The following DNAH9 variants were observed in gnomAD, a reference collection of about 807,000 sequenced individuals.
DNAH9 encodes DNAH9 variant protein.
In DNAH9, 345 loss-of-function variants were observed where a neutral mutation model predicts 471.6. That is an observed-to-expected ratio of 0.73 (90% CI 0.67 to 0.80). The LOEUF (loss-of-function observed/expected upper bound fraction) is 0.80, where lower values mean the gene tolerates loss of function less well. Ranked by LOEUF, DNAH9 falls within the 30% of genes least tolerant of loss-of-function variation. The pLI, the probability that DNAH9 is intolerant of heterozygous loss-of-function variation, is 0.00. For synonymous variants in DNAH9, 2,093 were observed against 2,123.6 expected, an observed-to-expected ratio of 0.99 and a Z score of 0.40; for missense variants, 5,407 against 5,609.2, an observed-to-expected ratio of 0.96 and a Z score of 1.15.
Position 11,610,658 on chromosome 17 carries a change from A to G in DNAH9, c.773+104A>G, listed in dbSNP as rs557429023. ...GCCACCATTGAGCCTATTCTTCCCT[A>G]TAGGTATTTCACATCATCAGTGGGG... On this transcript the variant is annotated intron_variant, in intron 3 of 68. Transcript: ENST00000262442. 3.5e-4 allele frequency: 386 copies of G among 1,109,074 alleles called. 1 individual carries two copies. Among genetic ancestry groups the G allele is most frequent in the Middle Eastern group, 3.0e-4 (1 of 3,280 alleles). The allele number at this position is 1,109,074 out of a possible 1,614,324, so 68.7% of individuals were successfully genotyped here. A position where few individuals can be genotyped will look rare whatever the true frequency, so the allele number is the denominator to read the frequency against.
chr17:11,808,028 T>A, intron 44 of DNAH9, 134 bp downstream of exon 44: 1 of 1,080,168 alleles, frequency 9.3e-7, no homozygotes, highest in South Asian at 1.8e-5. Flanking sequence ...CTGTCTTAGG[T>A]TCTGGGCTGG....
At chr17:11,934,700 C>G (rs1002454508) in intron 65 of DNAH9, among the ~76,000 whole-genome samples, 1 of 152,274 alleles carries the variant, frequency 6.6e-6, no homozygotes, top group East Asian at 1.9e-4. Context: ...GATCCGCCCA[C>G]CTGGGCCTCC....
chr17:11,775,808 G>A (rs575863246), intron 38 of DNAH9, among the ~76,000 whole-genome samples: 1 of 151,844 alleles, frequency 6.6e-6, no homozygotes, highest in East Asian at 1.9e-4. Context: ...ATTTCACCGT[G>A]GTCTCAATCT....
At chr17:11,696,355 T>C (rs1426992143) in intron 22 of DNAH9, among the ~76,000 whole-genome samples, 1 of 152,208 alleles carries the variant, frequency 6.6e-6, no homozygotes, top group East Asian at 1.9e-4. Context: ...TGGATTGATA[T>C]ACCACAGTTT....
chr17:11,656,099 C>A (rs2073641792), intron 14 of DNAH9, among the ~76,000 whole-genome samples: 1 of 152,154 alleles, frequency 6.6e-6, no homozygotes, highest in Non-Finnish European at 1.5e-5. Context: ...ATTGCTGGGT[C>A]AAATGGTAGT....
chr17:11,965,827 CTA>C (rs1369947909), intron 68 of DNAH9, among the ~76,000 whole-genome samples: 1 of 151,362 alleles, frequency 6.6e-6, no homozygotes, highest in Non-Finnish European at 1.5e-5. Flanking sequence ...AATATAATAC[CTA>C]AAATGAAAAC....
At chr17:11,644,534 C>G in intron 10 of DNAH9, 97 bp from the exon 11 acceptor site, 2 of 846,618 alleles carry the variant, frequency 2.4e-6, no homozygotes, top group Admixed American at 2.4e-5. Flanking sequence ...AGCCAAGGAG[C>G]TATTCACGCT....
At chr17:11,718,530 C>A (rs530000840) in intron 26 of DNAH9, among the ~76,000 whole-genome samples, 51 of 152,278 alleles carry the variant, frequency 3.3e-4, no homozygotes, top group Non-Finnish European at 6.3e-4. Flanking sequence ...AATATAAGTC[C>A]TTTTTAATAG....
chr17:11,644,899 A>G (rs1315687262), intron 11 of DNAH9, among the ~76,000 whole-genome samples, 200 bp downstream of exon 11: 1 of 152,208 alleles, frequency 6.6e-6, no homozygotes, highest in Non-Finnish European at 1.5e-5. Flanking sequence ...GTATTCTGGA[A>G]ATAAATACTT....
intron 23 of DNAH9, 45 bp downstream of exon 23, chr17:11,699,928 A>G (rs1049117360): frequency 1.3e-6 from 2 of 1,597,922 alleles, no homozygotes; most frequent in Non-Finnish European, 1.7e-6. Context: ...TCTCTCTCAA[A>G]TGCCTTCATT....
chr17:11,726,818 G>A (rs990027670), intron 27 of DNAH9, among the ~76,000 whole-genome samples: 1 of 152,108 alleles, frequency 6.6e-6, no homozygotes, highest in Admixed American at 6.5e-5. Flanking sequence ...GGAGGCCAAG[G>A]CGGGTTGATT....
At chr17:11,725,977 C>T (rs1407670946) in intron 27 of DNAH9, among the ~76,000 whole-genome samples, 4 of 152,196 alleles carry the variant, frequency 2.6e-5, no homozygotes, top group Non-Finnish European at 5.9e-5. Context: ...CTGCTGCAAA[C>T]CTCCAAAGAT....
rs574379572 is a variant in DNAH9 at position 11,896,307 on chromosome 17, A to G, written c.11406+1811A>G. 6.6e-5 allele frequency among the ~76,000 whole-genome samples: 10 copies of G among 152,316 alleles called. No homozygotes were observed. In the South Asian group the frequency reaches 2.1e-3, roughly 32 times the overall value. The stretch of plus-strand genomic sequence containing the variant: ...CACAGTTCACTCCATAACAATTATG[A>G]GGGCCACTTAGACTTTGTAGGCCAG... On this transcript the variant is annotated intron_variant, in intron 59 of 68. Coordinates refer to ENST00000262442, the MANE Select transcript of DNAH9 (RefSeq NM_001372.4).
chr17:11,690,351 C>G lies in DNAH9; in HGVS notation c.4529C>G (p.Ser1510Cys). Residue 1510 changes from serine (S) to cysteine (C), a missense_variant, in exon 20 of 69, where the codon TCT becomes TGT. By Grantham distance (112) the Ser-to-Cys change is moderately radical (BLOSUM62 -1). Transcript: ENST00000262442. ...KKLSTVDAVI[S>C]IWFEVQRTWT... is the part of the protein sequence containing the mutation. ...CTGTCCACAGTGGACGCTGTCATCT[C>G]TATCTGGTTTGAAGTGCAGCGAACA... 1 of 1,614,166 alleles carries G rather than the reference C, an allele frequency of 6.2e-7. No homozygotes were observed. The highest frequency in any genetic ancestry group is 8.5e-7 in the Non-Finnish European group (1 of 1,180,002).
At chr17:11,957,032 TAAG>T (rs1975678558) in intron 67 of DNAH9, among the ~76,000 whole-genome samples, 1 of 151,634 alleles carries the variant, frequency 6.6e-6, no homozygotes, top group Admixed American at 6.6e-5. Context: ...CCAGAATTTA[TAAG>T]AAAAAAGAAA....
intron 4 of DNAH9, among the ~76,000 whole-genome samples, chr17:11,616,865 G>C (rs1289067335): frequency 6.6e-6 from 1 of 152,132 alleles, no homozygotes; most frequent in African/African-American, 2.4e-5. Context: ...TTCTTTATTA[G>C]TGAATATTCA....
intron 9 of DNAH9, among the ~76,000 whole-genome samples, chr17:11,637,796 C>T (rs570221800): frequency 6.6e-6 from 1 of 152,000 alleles, no homozygotes; most frequent in Non-Finnish European, 1.5e-5. Flanking sequence ...GTAACTCTTC[C>T]TTCCTCCCCA....
At chr17:11,791,942 A>C (rs774233322) in intron 41 of DNAH9, among the ~76,000 whole-genome samples, 1 of 152,088 alleles carries the variant, frequency 6.6e-6, no homozygotes, top group Non-Finnish European at 1.5e-5. Flanking sequence ...CATAATAGGA[A>C]TTTTGTGAAA....
intron 48 of DNAH9, among the ~76,000 whole-genome samples, chr17:11,828,613 T>G (rs1274550635): frequency 6.6e-6 from 1 of 152,172 alleles, no homozygotes; most frequent in Non-Finnish European, 1.5e-5. Flanking sequence ...CTTGCATATT[T>G]CTGCATCCTT....
Sources: allele counts gnomAD v4.1 joint callset (sites outside exome capture counted in the v4.1 genomes callset), GRCh38; gene constraint gnomAD v4.1.1; transcripts MANE v1.5; gene names NCBI Gene and HGNC (gene_info 2026-07-23, HGNC 2026-07-21).